The following LHFPL3 variants were observed in gnomAD, a reference collection of about 807,000 sequenced individuals.
LHFPL3 encodes LHFPL tetraspan subfamily member 3 protein.
A neutral mutation model predicts 19.3 loss-of-function variants in LHFPL3; 5 were observed. The ratio of observed to expected loss-of-function variants is 0.26; its 90% CI spans 0.14 to 0.54. LHFPL3 has a LOEUF of 0.54. LHFPL3 is among the 20% of genes least tolerant of loss of function. The pLI, the probability that LHFPL3 is intolerant of heterozygous loss-of-function variation, is 0.94. For missense variants in LHFPL3, 249 were observed against 307.4 expected (o/e 0.81, Z 1.42); for synonymous variants, 133 against 126.2 (o/e 1.05, Z -0.36).
At chr7:104,616,748 A>G (rs1042282043) in intron 1 of LHFPL3, among the ~76,000 whole-genome samples, 14 of 152,192 alleles carry the variant, frequency 9.2e-5, no homozygotes, top group African/African-American at 2.9e-4. Context: ...TTGGCAATCT[A>G]TCCATCTGAC....
chr7:104,902,870 A>G (rs1299422312), intron 2 of LHFPL3, among the ~76,000 whole-genome samples: 2 of 152,332 alleles, frequency 1.3e-5, no homozygotes, highest in East Asian at 3.9e-4. Flanking sequence ...CCAAGACCAG[A>G]GCAGATTCAA....
intron 1 of LHFPL3, among the ~76,000 whole-genome samples, chr7:104,529,968 C>G (rs1356432470): frequency 6.6e-6 from 1 of 152,122 alleles, no homozygotes; most frequent in African/African-American, 2.4e-5. Context: ...AAGGCTCAGA[C>G]AAAATTGCTC....
intron 1 of LHFPL3, among the ~76,000 whole-genome samples, chr7:104,640,298 G>A (rs548317188): frequency 1.3e-5 from 2 of 152,142 alleles, no homozygotes; most frequent in East Asian, 3.9e-4. Context: ...AACAGGCCCT[G>A]GTGTGTGATT....
chr7:104,860,006 A>G (rs1408057385), intron 2 of LHFPL3, among the ~76,000 whole-genome samples: 1 of 152,160 alleles, frequency 6.6e-6, no homozygotes, highest in Non-Finnish European at 1.5e-5. Flanking sequence ...CTACTCTAAA[A>G]GTAACATTTT....
At chr7:104,839,019 A>C (rs1374988677) in intron 2 of LHFPL3, among the ~76,000 whole-genome samples, 1 of 152,230 alleles carries the variant, frequency 6.6e-6, no homozygotes, top group Non-Finnish European at 1.5e-5. Context: ...GAAAGAGAAT[A>C]TTCTGACCCC....
intron 1 of LHFPL3, among the ~76,000 whole-genome samples, chr7:104,482,238 C>T (rs1436805951): frequency 6.6e-6 from 1 of 152,158 alleles, no homozygotes; most frequent in Non-Finnish European, 1.5e-5. Flanking sequence ...CTGCTGTTAC[C>T]CACTTCCCTC....
At chr7:104,898,925 T>G (rs1792425784) in intron 2 of LHFPL3, among the ~76,000 whole-genome samples, 1 of 151,844 alleles carries the variant, frequency 6.6e-6, no homozygotes, top group South Asian at 2.1e-4. Context: ...GAGACCAGCC[T>G]TGACAACAAA....
chr7:104,388,380 C>T (rs1465297200), intron 1 of LHFPL3, among the ~76,000 whole-genome samples: 2 of 151,824 alleles, frequency 1.3e-5, no homozygotes, highest in African/African-American at 2.4e-5. Flanking sequence ...AACAACTTAT[C>T]ATGTAAAAGG....
At chr7:104,633,832 T>C (rs1791684595) in intron 1 of LHFPL3, among the ~76,000 whole-genome samples, 1 of 152,202 alleles carries the variant, frequency 6.6e-6, no homozygotes, top group African/African-American at 2.4e-5. Flanking sequence ...TTGCCAACAC[T>C]AAGTTATAAT....
At chr7:104,495,585 A>C (rs575120824) in intron 1 of LHFPL3, among the ~76,000 whole-genome samples, 2 of 152,104 alleles carry the variant, frequency 1.3e-5, no homozygotes, top group Non-Finnish European at 2.9e-5. Flanking sequence ...GGGTTTCACC[A>C]TGTTAGCCAG....
intron 2 of LHFPL3, among the ~76,000 whole-genome samples, chr7:104,794,726 C>T (rs988339100): frequency 4.6e-5 from 7 of 152,138 alleles, no homozygotes; most frequent in African/African-American, 7.2e-5. Flanking sequence ...TGACCTGCAC[C>T]GTGACTGATT....
intron 2 of LHFPL3, chr7:104,803,597 C>T (rs1056601088): frequency 4.6e-5 from 7 of 152,222 alleles, no homozygotes; most frequent in Non-Finnish European, 8.8e-5. Flanking sequence ...AAACATCACT[C>T]TCTCCTGGGA....
chr7:104,475,236 A>G (rs540835638), intron 1 of LHFPL3, among the ~76,000 whole-genome samples: 1 of 152,322 alleles, frequency 6.6e-6, no homozygotes, highest in South Asian at 2.1e-4. Flanking sequence ...TCATGGGAAT[A>G]AAATGGTGCA....
At chr7:104,550,643 G>T (rs915304838) in intron 1 of LHFPL3, among the ~76,000 whole-genome samples, 3 of 152,140 alleles carry the variant, frequency 2.0e-5, no homozygotes, top group East Asian at 1.9e-4. Context: ...GTTTTCAGCA[G>T]CAGAGTATCC....
Position 104,828,351 on chromosome 7 carries a change from C to A in LHFPL3, c.683-77836C>A, listed in dbSNP as rs893923500. Among the ~76,000 whole-genome samples the A allele has an allele frequency of 2.6e-5, 4 of 151,918 alleles. 1 individual carries two copies. The highest frequency in any genetic ancestry group is 9.7e-5 in the African/African-American group (4 of 41,202). ...CCAGCAGGAGGATACTACCTGCCCA[C>A]TGAATTCACAAGAAAAAAGGTCCAG... is the stretch of plus-strand genomic sequence containing the variant. On this transcript the variant is annotated intron_variant, in intron 2 of 2. Coordinates refer to ENST00000424859, the MANE Select transcript of LHFPL3 (RefSeq NM_199000.3).
chr7:104,675,864 A>G (rs1792580009), intron 1 of LHFPL3, among the ~76,000 whole-genome samples: 1 of 152,144 alleles, frequency 6.6e-6, no homozygotes, highest in Admixed American at 6.5e-5. Flanking sequence ...TAGATATATT[A>G]CATTTGAGTT....
At chr7:104,722,818 C>A (rs941477664) in intron 1 of LHFPL3, among the ~76,000 whole-genome samples, 1 of 152,110 alleles carries the variant, frequency 6.6e-6, no homozygotes, top group Non-Finnish European at 1.5e-5. Flanking sequence ...TCCTTTTTTT[C>A]ACCAAGTTCC....
chr7:104,464,699 A>T (rs938709574), intron 1 of LHFPL3, among the ~76,000 whole-genome samples: 25 of 152,212 alleles, frequency 1.6e-4, no homozygotes, highest in South Asian at 4.1e-4. Flanking sequence ...CATGGCTGGG[A>T]TGCAGGGCAC....
chr7:104,496,052 T>C (rs187182135), intron 1 of LHFPL3, among the ~76,000 whole-genome samples: 328 of 152,272 alleles, frequency 2.2e-3, no homozygotes, highest in Non-Finnish European at 2.2e-3. Flanking sequence ...ATGTGTCATG[T>C]TGGTGTGCTG....
Sources: allele counts gnomAD v4.1 joint callset (sites outside exome capture counted in the v4.1 genomes callset), GRCh38; gene constraint gnomAD v4.1.1; transcripts MANE v1.5; gene names NCBI Gene and HGNC (gene_info 2026-07-23, HGNC 2026-07-21).